Variants in MRPL48 observed in about 807,000 individuals in gnomAD.
MRPL48 encodes mitochondrial ribosomal protein L48.
Under a neutral mutation model 32.9 loss-of-function variants are expected in MRPL48, and 16 were observed. The ratio of observed to expected loss-of-function variants is 0.49; its 90% CI spans 0.33 to 0.74. The LOEUF is 0.74. Among genes scored for constraint, MRPL48 ranks in the 30% least tolerant of loss-of-function variants. The pLI is 0.02. For synonymous variants in MRPL48, 94 were observed against 89.2 expected (o/e 1.05, Z -0.31); for missense variants, 206 against 245.3 (o/e 0.84, Z 1.07).
chr11:73,823,661 T>G (rs1028787088), intron 3 of MRPL48, among the ~76,000 whole-genome samples: 1 of 149,428 alleles, frequency 6.7e-6, no homozygotes, highest in Non-Finnish European at 1.5e-5. Flanking sequence ...TCTGTTTTTT[T>G]TTTTTTTTTT....
chr11:73,825,095 C>T (rs746467292), intron 3 of MRPL48, among the ~76,000 whole-genome samples: 68 of 152,194 alleles, frequency 4.5e-4, no homozygotes, highest in Non-Finnish European at 7.6e-4. Flanking sequence ...TTCTCTGTTA[C>T]GTATGCTTTG....
chr11:73,820,826 A>C (rs1443343410), intron 3 of MRPL48, among the ~76,000 whole-genome samples: 1 of 151,784 alleles, frequency 6.6e-6, no homozygotes, highest in African/African-American at 2.4e-5. Flanking sequence ...CCCCCCCACT[A>C]TCCCCCCTGG....
At chr11:73,814,299 G>A (rs1217892089) in intron 3 of MRPL48, among the ~76,000 whole-genome samples, 1 of 151,842 alleles carries the variant, frequency 6.6e-6, no homozygotes, top group Admixed American at 6.6e-5. Flanking sequence ...CGAAGACTGA[G>A]GTGGGAGGAT....
intron 4 of MRPL48, among the ~76,000 whole-genome samples, chr11:73,827,109 G>A (rs997907870): frequency 1.3e-5 from 2 of 151,684 alleles, no homozygotes; most frequent in African/African-American, 4.8e-5. Flanking sequence ...AATAGGCTGG[G>A]TGTGGTGGCT....
Position 73,855,523 on chromosome 11 carries a change from C to G in MRPL48, c.372-4384C>G, listed in dbSNP as rs533835481. Among the ~76,000 whole-genome samples, 5 of 152,126 alleles carry G rather than the reference C, an allele frequency of 3.3e-5. No individual in the cohort carries two copies. In the East Asian group the frequency reaches 9.7e-4, roughly 29 times the overall value. On this transcript the variant is annotated intron_variant, in intron 5 of 7. Coordinates refer to ENST00000310614, the MANE Select transcript of MRPL48 (RefSeq NM_016055.6). Reference sequence around the variant, plus strand: ...TTTATTTTGAGATGGAGTCTCACTCCGTTGCCCAGGCTGGAGTGCAGTGGT... The same window carrying G: ...TTTATTTTGAGATGGAGTCTCACTCGGTTGCCCAGGCTGGAGTGCAGTGGT...
intron 3 of MRPL48, among the ~76,000 whole-genome samples, chr11:73,821,347 C>T (rs534795648): frequency 6.6e-6 from 1 of 152,186 alleles, no homozygotes; most frequent in South Asian, 2.1e-4. Context: ...TGATTCTGTC[C>T]TCCCACTAGA....
chr11:73,802,155 T>C (rs1227733290), intron 1 of MRPL48: 1 of 152,198 alleles, frequency 6.6e-6, no homozygotes, highest in African/African-American at 2.4e-5. Context: ...CTCTTAGCCA[T>C]CTCCCCCTGG....
intron 4 of MRPL48, among the ~76,000 whole-genome samples, chr11:73,844,446 A>G (rs1034084133): frequency 6.6e-6 from 1 of 152,172 alleles, no homozygotes; most frequent in Admixed American, 6.5e-5. Flanking sequence ...AAAGAAAAAT[A>G]TTTCAATCTG....
chr11:73,846,158 C>G (rs1434609177), intron 5 of MRPL48, among the ~76,000 whole-genome samples: 2 of 151,862 alleles, frequency 1.3e-5, no homozygotes, highest in Non-Finnish European at 2.9e-5. Flanking sequence ...CCCCTAAGCT[C>G]CTGGTAACTA....
At chr11:73,795,226 C>G (rs1355360084) in intron 1 of MRPL48, among the ~76,000 whole-genome samples, 4 of 151,706 alleles carry the variant, frequency 2.6e-5, no homozygotes, top group Non-Finnish European at 5.9e-5. Context: ...TCATGCCCGG[C>G]TAATTTTTGT....
chr11:73,855,737 C>T (rs1238104547), intron 5 of MRPL48, among the ~76,000 whole-genome samples: 5 of 152,142 alleles, frequency 3.3e-5, no homozygotes, highest in Admixed American at 6.5e-5. Context: ...CCACCTGCCT[C>T]GGCCTCCCAA....
At chr11:73,801,999 G>C (rs1311918778) in intron 1 of MRPL48, 1 of 152,156 alleles carries the variant, frequency 6.6e-6, no homozygotes, top group Non-Finnish European at 1.5e-5. Context: ...AGGGGTTCTT[G>C]GGTGATGATA....
At chr11:73,805,655 CTTTTTT>C (rs147763203) in intron 2 of MRPL48, among the ~76,000 whole-genome samples, 1 of 132,296 alleles carries the variant, frequency 7.6e-6, no homozygotes, top group Non-Finnish European at 1.6e-5. Flanking sequence ...TAAACAGAAC[CTTTTTT>C]TTTTTTTTTT....
intron 1 of MRPL48, among the ~76,000 whole-genome samples, chr11:73,790,062 ATTTTTTTTTTTT>A (rs34534770): frequency 9.6e-6 from 1 of 103,826 alleles, no homozygotes; most frequent in Non-Finnish European, 1.9e-5. Flanking sequence ...TGCTCAGCTA[ATTTTTTTTTTTT>A]TTTTTTTTTT....
At position 73,812,183 on chromosome 11, in the gene MRPL48, G is replaced by T. The variant is rs546059403; in HGVS notation, c.112+3833G>T. ...TTACAGGTGTGAGCCACCGCGCCCG[G>T]CCCTCTTTCCCAATCTTAACTCCCT... On this transcript the variant is annotated intron_variant, in intron 3 of 7. Transcript: ENST00000310614. Among the ~76,000 whole-genome samples, 43 of 152,164 alleles carry T rather than the reference G, an allele frequency of 2.8e-4. No homozygotes were observed. The East Asian group carries it at 7.3e-3, about 26-fold the overall frequency.
In MRPL48 at chr11:73,805,010, TG is replaced by T; in HGVS notation, c.22-15del. 6.3e-7 allele frequency: 1 copy of T among 1,583,340 alleles called. No homozygotes were observed. The highest frequency in any genetic ancestry group is 8.6e-7 in the Non-Finnish European group (1 of 1,163,388). On this transcript the variant is annotated splice_polypyrimidine_tract_variant and intron_variant, in intron 1 of 7. Transcript: ENST00000310614. ...ATAAATGCTTAAGATTGTCCTAACA[TG>T]GCTGTTTTGCTGTAGGTGCTGTGCC...
intron 5 of MRPL48, among the ~76,000 whole-genome samples, chr11:73,853,714 G>A (rs1315676390): frequency 9.2e-6 from 1 of 108,792 alleles, no homozygotes; most frequent in Non-Finnish European, 1.7e-5. Flanking sequence ...TTTTTGAGAT[G>A]GAGTCTCGCT....
intron 4 of MRPL48, among the ~76,000 whole-genome samples, chr11:73,829,393 G>A (rs1340377909): frequency 1.3e-5 from 2 of 151,376 alleles, no homozygotes; most frequent in African/African-American, 4.9e-5. Flanking sequence ...TTGAGACATG[G>A]TCTCACTCTG....
intron 1 of MRPL48, among the ~76,000 whole-genome samples, chr11:73,800,803 T>A (rs80035777): frequency 3.8e-3 from 567 of 149,818 alleles, no homozygotes; most frequent in Non-Finnish European, 5.9e-3. Context: ...AACTCTTTTT[T>A]CTTTTTCTTT....
Sources: gnomAD v4.1 joint callset for allele counts (sites outside exome capture counted in the v4.1 genomes callset) on GRCh38, gnomAD v4.1.1 for gene constraint, MANE v1.5 for transcripts, NCBI Gene and HGNC (gene_info 2026-07-23, HGNC 2026-07-21) for gene names.